Variants in VPS13B observed in about 807,000 individuals in gnomAD.
VPS13B encodes the protein intermembrane lipid transfer protein VPS13B.
A neutral mutation model predicts 426.4 loss-of-function variants in VPS13B; 285 were observed. The ratio of observed to expected loss-of-function variants is 0.67; its 90% CI spans 0.61 to 0.74. The LOEUF is 0.74. Ranked by LOEUF, VPS13B falls within the 30% of genes least tolerant of loss-of-function variation. VPS13B has a pLI of 0.00. For synonymous variants in VPS13B, 1,676 were observed against 1,676.4 expected, an observed-to-expected ratio of 1.00 and a Z score of 0.01; for missense variants, 4,537 against 4,782.6, an observed-to-expected ratio of 0.95 and a Z score of 1.51.
chr8:99,399,250 AATT>A (rs918329076), intron 21 of VPS13B, among the ~76,000 whole-genome samples: 4 of 152,164 alleles, frequency 2.6e-5, no homozygotes, highest in African/African-American at 9.7e-5. Flanking sequence ...TTGTAAGAAA[AATT>A]ATTTTTATTT....
At chr8:99,580,849 G>C (rs371534155) in intron 33 of VPS13B, among the ~76,000 whole-genome samples, 34 of 151,684 alleles carry the variant, frequency 2.2e-4, no homozygotes, top group Admixed American at 1.6e-3. Flanking sequence ...AAGAGACCCT[G>C]TCTCAAAAAA....
intron 31 of VPS13B, among the ~76,000 whole-genome samples, chr8:99,574,681 C>G (rs1825680332): frequency 6.6e-6 from 1 of 152,086 alleles, no homozygotes; most frequent in South Asian, 2.1e-4. Context: ...TAAAGAAGAA[C>G]TAAAATAGAG....
chr8:99,321,210 C>CTTTTTTTTTTTT (rs58817658), intron 19 of VPS13B, among the ~76,000 whole-genome samples: 4 of 93,990 alleles, frequency 4.3e-5, no homozygotes, highest in East Asian at 2.6e-4. Context: ...TTTTCTTTTT[C>CTTTTTTTTTTTT]TTTTTTTTTT....
intron 17 of VPS13B, among the ~76,000 whole-genome samples, chr8:99,202,951 G>A (rs371904084): frequency 1.7e-4 from 26 of 151,952 alleles, no homozygotes; most frequent in African/African-American, 4.8e-4. Context: ...GGAGAATGGC[G>A]CGAACCCAGG....
intron 19 of VPS13B, among the ~76,000 whole-genome samples, chr8:99,294,930 G>A (rs1166122510): frequency 1.3e-5 from 2 of 152,194 alleles, no homozygotes; most frequent in African/African-American, 4.8e-5. Flanking sequence ...GTGGCTGGTG[G>A]TGGCTGTGGA....
chr8:99,718,561 T>C (rs1251557462), intron 37 of VPS13B, among the ~76,000 whole-genome samples: 2 of 152,198 alleles, frequency 1.3e-5, no homozygotes, highest in East Asian at 1.9e-4. Context: ...TTGATGCCAC[T>C]CTAAACTTGA....
chr8:99,753,363 A>ATT (rs1239958617), intron 39 of VPS13B, among the ~76,000 whole-genome samples: 3 of 152,174 alleles, frequency 2.0e-5, no homozygotes, highest in Non-Finnish European at 4.4e-5. Flanking sequence ...GCTCTCCCTG[A>ATT]TTCCCAAGTA....
In VPS13B at chr8:99,404,515, A is replaced by G. The variant is rs535200774; in HGVS notation, c.3082+12811A>G. Among the ~76,000 whole-genome samples, 8 of 152,302 alleles carry G rather than the reference A, an allele frequency of 5.3e-5. No individual in the cohort carries two copies. The South Asian group carries it at 1.7e-3, about 32-fold the overall frequency. On this transcript the variant is annotated intron_variant, in intron 21 of 61. Coordinates refer to ENST00000357162, the MANE Select transcript of VPS13B (RefSeq NM_152564.5). The stretch of plus-strand genomic sequence containing the variant: ...GGGCTTTCAAGAGTGATAGTATTAA[A>G]TGCAGGTTTATTTTGATGAAAAGTC...
chr8:99,229,654 C>T (rs1013497737), intron 17 of VPS13B, among the ~76,000 whole-genome samples: 64 of 151,936 alleles, frequency 4.2e-4, no homozygotes, highest in African/African-American at 1.3e-3. Flanking sequence ...AGGACCGTTA[C>T]GGGCAAAACC....
intron 36 of VPS13B, among the ~76,000 whole-genome samples, chr8:99,715,242 C>G (rs1434968200): frequency 2.6e-5 from 4 of 152,048 alleles, no homozygotes; most frequent in Non-Finnish European, 4.4e-5. Context: ...GTTGAGGCAG[C>G]TGAAAAATAG....
intron 36 of VPS13B, among the ~76,000 whole-genome samples, chr8:99,715,384 A>G: frequency 6.6e-6 from 1 of 152,156 alleles, no homozygotes; most frequent in Non-Finnish European, 1.5e-5. Flanking sequence ...AAATTGTGTG[A>G]TCTTCTCTTT....
intron 34 of VPS13B, among the ~76,000 whole-genome samples, chr8:99,643,403 A>T (rs1451399132): frequency 6.6e-6 from 1 of 152,194 alleles, no homozygotes; most frequent in Non-Finnish European, 1.5e-5. Context: ...AGGTTTGTTC[A>T]TTCTTGCCAT....
At chr8:99,198,136 G>C (rs181899142) in intron 17 of VPS13B, among the ~76,000 whole-genome samples, 1 of 152,058 alleles carries the variant, frequency 6.6e-6, no homozygotes, top group Non-Finnish European at 1.5e-5. Context: ...TCTTGTGGCC[G>C]TTATTTTATA....
chr8:99,291,866 C>T (rs1819753552), intron 19 of VPS13B, among the ~76,000 whole-genome samples: 1 of 151,688 alleles, frequency 6.6e-6, no homozygotes. Flanking sequence ...GACAATATTC[C>T]CATAAAAGTA....
At chr8:99,754,782 T>G (rs1810557820) in intron 39 of VPS13B, among the ~76,000 whole-genome samples, 2 of 152,300 alleles carry the variant, frequency 1.3e-5, no homozygotes, top group South Asian at 4.1e-4. Flanking sequence ...ACTTTGTTAA[T>G]GACATAAAAT....
At chr8:99,096,482 A>G (rs767566158) in intron 4 of VPS13B, 50 bp downstream of exon 4, 50 of 1,608,554 alleles carry the variant, frequency 3.1e-5, no homozygotes, top group Non-Finnish European at 4.2e-5. Flanking sequence ...TTGGCCGGGC[A>G]TGGTGGCTCA....
chr8:99,609,960 CG>C (rs1827772273), intron 33 of VPS13B, among the ~76,000 whole-genome samples: 1 of 152,190 alleles, frequency 6.6e-6, no homozygotes, highest in Admixed American at 6.5e-5. Context: ...TGATGTTAAA[CG>C]GTCCTTAATA....
intron 25 of VPS13B, among the ~76,000 whole-genome samples, chr8:99,486,734 A>C (rs114217582): frequency 7.1e-4 from 108 of 152,296 alleles, no homozygotes; most frequent in African/African-American, 2.5e-3. Flanking sequence ...ACCATTGCTC[A>C]ACCCCTCGAC....
At chr8:99,821,530 T>G (rs1453236493) in intron 50 of VPS13B, 48 bp downstream of exon 50, 4 of 1,605,240 alleles carry the variant, frequency 2.5e-6, no homozygotes, top group Admixed American at 1.7e-5. Flanking sequence ...TGCCATCCCC[T>G]TAACCTGTCT....
Sources: gnomAD v4.1 joint callset for allele counts (sites outside exome capture counted in the v4.1 genomes callset) on GRCh38, gnomAD v4.1.1 for gene constraint, MANE v1.5 for transcripts, NCBI Gene and HGNC (gene_info 2026-07-23, HGNC 2026-07-21) for gene names.